Variants in GLE1 observed in about 807,000 individuals in gnomAD.
GLE1 encodes mRNA export factor GLE1.
Under a neutral mutation model 97.3 loss-of-function variants are expected in GLE1, and 78 were observed. The ratio of observed to expected loss-of-function variants is 0.80; its 90% CI spans 0.67 to 0.97. The LOEUF (loss-of-function observed/expected upper bound fraction) is 0.97. GLE1 is among the 50% of genes least tolerant of loss of function. The pLI, the probability that GLE1 is intolerant of heterozygous loss-of-function variation, is 0.00. For missense variants in GLE1, 753 were observed against 857.5 expected, an observed-to-expected ratio of 0.88 and a Z score of 1.52; for synonymous variants, 302 against 313.4, an observed-to-expected ratio of 0.96 and a Z score of 0.39.
chr9:128,528,628 C>A (rs964088780), intron 9 of GLE1, among the ~76,000 whole-genome samples: 1 of 152,090 alleles, frequency 6.6e-6, no homozygotes. Flanking sequence ...TAACAAGCTA[C>A]CTTTTATGGC....
At position 128,510,727 on chromosome 9, in the gene GLE1, C is replaced by T. The variant is rs117903137; in HGVS notation, c.321+1630C>T. Among the ~76,000 whole-genome samples the T allele has an allele frequency of 9.4e-3, 1,408 of 150,466 alleles. 27 individuals are homozygous for T. Among genetic ancestry groups the T allele is most frequent in the East Asian group, 0.069 (345 of 5,022 alleles). On this transcript the variant is annotated intron_variant, in intron 2 of 15. Coordinates refer to ENST00000309971, the MANE Select transcript of GLE1 (RefSeq NM_001003722.2). ...TATTCTTAGTAGAGACAGGATTTTG[C>T]CATGTTGTCCAGTCTGGTCTCAAAC...
intron 2 of GLE1, among the ~76,000 whole-genome samples, chr9:128,509,459 C>T (rs1003355733): frequency 4.0e-5 from 6 of 151,606 alleles, no homozygotes; most frequent in African/African-American, 1.5e-4. Context: ...CATGCCTTCT[C>T]TCATTGGTTC....
At chr9:128,526,652 C>T (rs1334273160) in intron 7 of GLE1, among the ~76,000 whole-genome samples, 1 of 151,784 alleles carries the variant, frequency 6.6e-6, no homozygotes, top group Non-Finnish European at 1.5e-5. Context: ...AGCCACTGCG[C>T]CCAGCGTTTT....
At chr9:128,514,377 A>G (rs1846916538) in intron 2 of GLE1, among the ~76,000 whole-genome samples, 1 of 150,112 alleles carries the variant, frequency 6.7e-6, no homozygotes, top group Admixed American at 6.6e-5. Flanking sequence ...AAGTTCAAAG[A>G]TGAACTCTGG....
intron 11 of GLE1, 65 bp downstream of exon 11, chr9:128,534,016 A>T: frequency 9.0e-7 from 1 of 1,115,918 alleles, no homozygotes. Context: ...ATAGAATTGG[A>T]ATTTGTTTTT....
chr9:128,522,809 G>A lies in GLE1; in HGVS notation c.574G>A (p.Glu192Lys). The A allele has an allele frequency of 6.2e-7, 1 of 1,614,040 alleles. No homozygotes were observed. The highest frequency in any genetic ancestry group is 1.1e-5 in the South Asian group (1 of 91,076). ...ATTCCAGGACTTGCGGGAAGTAATG[G>A]AGAAGAGGTGAGTCTCCCTGAATTA... Reference protein sequence around the residue: ...KEFQDLREVMEKSSREALGHQ... With the variant: ...KEFQDLREVMKKSSREALGHQ... Residue 192 changes from glutamate to lysine, a missense_variant, in exon 4 of 16, where the codon GAG becomes AAG. Physicochemically the swap from Glu to Lys is moderately conservative, Grantham distance 56. Transcript: ENST00000309971.
chr9:128,537,797 G>C (rs909500571), intron 12 of GLE1, among the ~76,000 whole-genome samples, 189 bp from the exon 13 acceptor site: 3 of 152,174 alleles, frequency 2.0e-5, no homozygotes, highest in African/African-American at 7.2e-5. Flanking sequence ...ACAACAAAGT[G>C]AGACCCTGTC....
chr9:128,524,728 C>T (rs1420254488), intron 6 of GLE1, among the ~76,000 whole-genome samples: 1 of 151,232 alleles, frequency 6.6e-6, no homozygotes, highest in Non-Finnish European at 1.5e-5. Flanking sequence ...CCAGTCTCTA[C>T]TAAAAATACA....
intron 14 of GLE1, 65 bp from the exon 15 acceptor site, chr9:128,540,210 G>C (rs775649216): frequency 2.0e-5 from 22 of 1,092,352 alleles, no homozygotes; most frequent in Non-Finnish European, 3.1e-5. Flanking sequence ...GACAGAGTGA[G>C]ACACCGTTTC....
rs372882502 is a variant in GLE1, at chr9:128,504,939, G to A, written c.99+35G>A. On this transcript the variant is annotated intron_variant, in intron 1 of 15. Transcript: ENST00000309971. ...GGCCCCGGAGGACGTAGGCCTTTCCGGCCCCTCGCGACCGAAACCTTCTCC... is the reference window on the plus strand; with the variant it reads ...GGCCCCGGAGGACGTAGGCCTTTCCAGCCCCTCGCGACCGAAACCTTCTCC... The A allele has an allele frequency of 1.1e-5, 15 of 1,413,494 alleles. No individual in the cohort carries two copies. In the African/African-American group the frequency reaches 2.1e-4, roughly 20 times the overall value. 87.6% of individuals were successfully genotyped at this position (1,413,494 alleles called of 1,614,324 possible).
At chr9:128,519,397 G>A (rs1847075003) in intron 3 of GLE1, among the ~76,000 whole-genome samples, 1 of 152,190 alleles carries the variant, frequency 6.6e-6, no homozygotes, top group Non-Finnish European at 1.5e-5. Flanking sequence ...ACATCCCTGG[G>A]AAGGAGAATA....
At position 128,528,093 on chromosome 9, in the gene GLE1, G is replaced by A. The variant is rs1030922592; in HGVS notation, c.1312+568G>A. Among the ~76,000 whole-genome samples, 6 of 142,560 alleles carry A rather than the reference G, an allele frequency of 4.2e-5. No homozygotes were observed. The South Asian group carries it at 1.1e-3, about 27-fold the overall frequency. 93.5% of individuals were successfully genotyped at this position (142,560 alleles called of 152,430 possible). On this transcript the variant is annotated intron_variant, in intron 9 of 15. Transcript: ENST00000309971. Reference sequence around the variant, plus strand: ...CGGCTCACCGCAAGCTCCGCCTACCGGCTTCACGCTGTTCTATTCTCCTCC... The same window carrying A: ...CGGCTCACCGCAAGCTCCGCCTACCAGCTTCACGCTGTTCTATTCTCCTCC...
chr9:128,504,740 G>C lies in GLE1; in HGVS notation c.-66G>C. 9 of 1,099,988 alleles carry C rather than the reference G, an allele frequency of 8.2e-6. No individual in the cohort carries two copies. In the South Asian group the frequency reaches 1.1e-4, roughly 14 times the overall value. 68.1% of individuals were successfully genotyped at this position (1,099,988 alleles called of 1,614,324 possible). On this transcript the variant is annotated 5_prime_UTR_variant, in exon 1 of 16. Transcript: ENST00000309971. ...AAGCAGAAGCCTGTGTGGCCTTCCC[G>C]GCGGCTGATTCGAGGGCTTGTTTGG...
chr9:128,522,776 C>CT lies in GLE1; in HGVS notation c.541_542insT (p.His181LeufsTer2), dbSNP rs749444057. ...TGATGAATGGAAGGAACTGAAGCAG[C>CT]ATAAAGAATTCCAGGACTTGCGGGA... On this transcript the variant is annotated frameshift_variant, in exon 4 of 16. Coordinates refer to ENST00000309971, the MANE Select transcript of GLE1 (RefSeq NM_001003722.2). LOFTEE classifies it high-confidence loss of function. The CT allele has an allele frequency of 6.2e-7, 1 of 1,613,598 alleles. No homozygotes were observed. Among genetic ancestry groups the CT allele is most frequent in the South Asian group, 1.1e-5 (1 of 91,060 alleles).
intron 9 of GLE1, among the ~76,000 whole-genome samples, chr9:128,532,384 C>A (rs970869438): frequency 6.6e-6 from 1 of 151,670 alleles, no homozygotes; most frequent in African/African-American, 2.4e-5. Flanking sequence ...CGCCACCACA[C>A]CTGGCTAATT....
At chr9:128,520,354 G>A (rs1847112263) in intron 3 of GLE1, among the ~76,000 whole-genome samples, 1 of 147,190 alleles carries the variant, frequency 6.8e-6, no homozygotes, top group Non-Finnish European at 1.5e-5. Context: ...GTGTATATAT[G>A]TATGTGTGTA....
intron 3 of GLE1, among the ~76,000 whole-genome samples, chr9:128,521,564 A>T (rs1234854523): frequency 6.6e-6 from 1 of 152,152 alleles, no homozygotes; most frequent in Non-Finnish European, 1.5e-5. Context: ...AATAAAATAT[A>T]ATTATGTTTT....
At chr9:128,522,889 A>G (rs1847196195) in intron 4 of GLE1, 73 bp downstream of exon 4, 18 of 1,537,490 alleles carry the variant, frequency 1.2e-5, no homozygotes, top group Non-Finnish European at 1.6e-5. Flanking sequence ...GGAATTCCAA[A>G]GGGAAAGAGT....
chr9:128,541,622 A>G lies in GLE1; in HGVS notation c.*452A>G, dbSNP rs541741642. On this transcript the variant is annotated 3_prime_UTR_variant, in exon 16 of 16. Transcript: ENST00000309971. ...AAGGTTCCCTTTTAAGTATTATTTA[A>G]TAGTTGAGGCCAGATACTTACATGC... 6 of 179,802 alleles carry G rather than the reference A, an allele frequency of 3.3e-5. No individual in the cohort carries two copies. The highest frequency in any genetic ancestry group is 2.8e-3 in the Middle Eastern group (1 of 354). 11.1% of individuals were successfully genotyped at this position (179,802 alleles called of 1,614,324 possible).
Sources: allele counts gnomAD v4.1 joint callset (sites outside exome capture counted in the v4.1 genomes callset), GRCh38; gene constraint gnomAD v4.1.1; transcripts MANE v1.5; gene names NCBI Gene and HGNC (gene_info 2026-07-23, HGNC 2026-07-21).